Variants in RIT2 observed in about 807,000 individuals in gnomAD.
RIT2 encodes GTP-binding protein Rit2.
Under a neutral mutation model 23.7 loss-of-function variants are expected in RIT2, and 24 were observed. That is an observed-to-expected ratio of 1.01 (90% confidence interval 0.73 to 1.43). RIT2 has a LOEUF of 1.43. RIT2 is among the 40% of genes most tolerant of loss of function. RIT2 has a pLI of 0.00. For synonymous variants in RIT2, 107 were observed against 91.1 expected, an observed-to-expected ratio of 1.17 and a Z score of -0.99; for missense variants, 236 against 266.9, an observed-to-expected ratio of 0.88 and a Z score of 0.81.
In RIT2 at chr18:42,791,930, A is replaced by G. The variant is rs1377097998; in HGVS notation, c.427-48210T>C. On this transcript the variant is annotated intron_variant, in intron 4 of 4. Coordinates refer to ENST00000326695, the MANE Select transcript of RIT2 (RefSeq NM_002930.4). ...CGAAAGATGGGAATGTGACCCAGTC[A>G]TAGCTAATAAAACATCATAAGGATT... Among the ~76,000 whole-genome samples, 3 of 152,202 alleles carry G rather than the reference A, an allele frequency of 2.0e-5. No homozygotes were observed. The East Asian group carries it at 5.8e-4, about 29-fold the overall frequency.
chr18:42,954,888 C>T (rs1232388590), intron 3 of RIT2, among the ~76,000 whole-genome samples: 2 of 152,100 alleles, frequency 1.3e-5, no homozygotes, highest in South Asian at 2.1e-4. Context: ...TCCTTCTCTG[C>T]ATAACAGACT....
At chr18:42,876,666 A>G (rs1382263916) in intron 4 of RIT2, among the ~76,000 whole-genome samples, 1 of 151,892 alleles carries the variant, frequency 6.6e-6, no homozygotes, top group Non-Finnish European at 1.5e-5. Context: ...TTTTGTGTTT[A>G]TGTATTTAAA....
intron 4 of RIT2, among the ~76,000 whole-genome samples, chr18:42,770,121 T>A (rs1294930786): frequency 6.6e-6 from 1 of 151,962 alleles, no homozygotes; most frequent in Admixed American, 6.6e-5. Flanking sequence ...GTTTGGGGCA[T>A]ACACGGAGGA....
intron 4 of RIT2, among the ~76,000 whole-genome samples, chr18:42,756,099 GAGA>G (rs1913157205): frequency 5.3e-5 from 8 of 152,262 alleles, no homozygotes; most frequent in African/African-American, 1.9e-4. Flanking sequence ...GAGCACAAGG[GAGA>G]AGAAGTGAAT....
intron 4 of RIT2, among the ~76,000 whole-genome samples, chr18:42,754,096 A>T (rs963358230): frequency 1.3e-5 from 2 of 152,178 alleles, no homozygotes; most frequent in Non-Finnish European, 2.9e-5. Context: ...TTTTTAGATG[A>T]GTGAACAAGT....
intron 4 of RIT2, among the ~76,000 whole-genome samples, chr18:42,836,186 C>T (rs186238219): frequency 1.4e-4 from 21 of 152,296 alleles, no homozygotes; most frequent in Non-Finnish European, 2.2e-4. Flanking sequence ...AGAAATCTTT[C>T]ATCTCATACT....
At chr18:43,085,613 CTTAT>C (rs1259126409) in intron 1 of RIT2, among the ~76,000 whole-genome samples, 1 of 152,036 alleles carries the variant, frequency 6.6e-6, no homozygotes, top group African/African-American at 2.4e-5. Flanking sequence ...CTGTGTTTGG[CTTAT>C]TTAATTTTGC....
At position 43,058,468 on chromosome 18, in the gene RIT2, T is replaced by C. The variant is rs1458996763; in HGVS notation, c.104-24601A>G. Among the ~76,000 whole-genome samples the C allele has an allele frequency of 3.9e-5, 6 of 152,156 alleles. No homozygotes were observed. In the East Asian group the frequency reaches 7.7e-4, roughly 20 times the overall value. ...AATTGGAAGACATTGAAGTTTGAGA[T>C]GCACTTCTGTACTACACTCAGAAGA... On this transcript the variant is annotated intron_variant, in intron 1 of 4. Transcript: ENST00000326695.
At chr18:43,026,573 TAAGAAAGAAAGAAAGAAAGAAAGAAAGA>T (rs199513808) in intron 2 of RIT2, among the ~76,000 whole-genome samples, 90 of 77,346 alleles carry the variant, frequency 1.2e-3, no homozygotes, top group Middle Eastern at 8.5e-3. Flanking sequence ...AAGAAATAAA[TAAGAAAGAAAGAAAGAAAGAAAGAAAGA>T]AAGAAAGAAA....
intron 4 of RIT2, among the ~76,000 whole-genome samples, chr18:42,779,385 C>A (rs1598650484): frequency 6.6e-6 from 1 of 152,140 alleles, no homozygotes; most frequent in African/African-American, 2.4e-5. Flanking sequence ...TGACAATTAA[C>A]AAACACATAA....
intron 3 of RIT2, among the ~76,000 whole-genome samples, chr18:42,947,345 G>A (rs1363150498): frequency 6.6e-6 from 1 of 152,082 alleles, no homozygotes; most frequent in Non-Finnish European, 1.5e-5. Context: ...CATTTCTGGA[G>A]TCCAGGTTAA....
At chr18:43,096,725 G>A (rs947131889) in intron 1 of RIT2, among the ~76,000 whole-genome samples, 4 of 151,740 alleles carry the variant, frequency 2.6e-5, no homozygotes, top group Non-Finnish European at 5.9e-5. Context: ...GTTCACAAGT[G>A]TTTGTTTTAT....
chr18:42,781,644 T>C (rs774317511), intron 4 of RIT2, among the ~76,000 whole-genome samples: 1 of 152,178 alleles, frequency 6.6e-6, no homozygotes, highest in Non-Finnish European at 1.5e-5. Flanking sequence ...TAAATATTGA[T>C]AACGTGTATT....
chr18:43,027,333 T>G (rs1356152109), intron 2 of RIT2, among the ~76,000 whole-genome samples: 1 of 152,124 alleles, frequency 6.6e-6, no homozygotes, highest in Non-Finnish European at 1.5e-5. Context: ...TTTTTAATGT[T>G]TCTTAATATT....
rs199874274 is a variant in RIT2, at chr18:43,085,164, CA to C, written c.103+30252del. Among the ~76,000 whole-genome samples the C allele has an allele frequency of 4.6e-3, 692 of 150,508 alleles. 6 individuals are homozygous for C. The highest frequency in any genetic ancestry group is 0.016 in the African/African-American group (662 of 41,020). Reference sequence around the variant, plus strand: ...ATTGACTACTCTTATATAGCATTAACAAAAAAAGAAACAAAAAGAAAAATAA... The same window carrying C: ...ATTGACTACTCTTATATAGCATTAACAAAAAAGAAACAAAAAGAAAAATAA... On this transcript the variant is annotated intron_variant, in intron 1 of 4. Coordinates refer to ENST00000326695, the MANE Select transcript of RIT2 (RefSeq NM_002930.4).
intron 4 of RIT2, among the ~76,000 whole-genome samples, chr18:42,848,286 T>C (rs1906961943): frequency 6.6e-6 from 1 of 152,170 alleles, no homozygotes; most frequent in South Asian, 2.1e-4. Context: ...GTCTCCTTCC[T>C]ACAAAACACA....
intron 3 of RIT2, among the ~76,000 whole-genome samples, chr18:42,944,742 G>A (rs1295897465): frequency 6.6e-6 from 1 of 152,118 alleles, no homozygotes; most frequent in Non-Finnish European, 1.5e-5. Flanking sequence ...GGATAGGTTT[G>A]TCTGCAAGTC....
intron 4 of RIT2, among the ~76,000 whole-genome samples, chr18:42,803,196 T>A (rs532038241): frequency 6.6e-6 from 1 of 152,334 alleles, no homozygotes; most frequent in East Asian, 1.9e-4. Context: ...ACTTCATCAT[T>A]CCAACCTATT....
chr18:42,959,620 C>T (rs1342336750), intron 3 of RIT2, among the ~76,000 whole-genome samples: 1 of 152,154 alleles, frequency 6.6e-6, no homozygotes, highest in Non-Finnish European at 1.5e-5. Context: ...TACTATTCTC[C>T]TAACAGGCTC....
Sources: gnomAD v4.1 joint callset for allele counts (sites outside exome capture counted in the v4.1 genomes callset) on GRCh38, gnomAD v4.1.1 for gene constraint, MANE v1.5 for transcripts, NCBI Gene and HGNC (gene_info 2026-07-23, HGNC 2026-07-21) for gene names.